Variants in PCBP3 observed in about 807,000 individuals in gnomAD.
PCBP3 encodes the protein poly(rC)-binding protein 3.
Under a neutral mutation model 52.7 loss-of-function variants are expected in PCBP3, and 25 were observed. That is an observed-to-expected ratio of 0.47 (90% CI 0.35 to 0.66). The LOEUF (loss-of-function observed/expected upper bound fraction) is 0.66, where lower values mean the gene tolerates loss of function less well. Ranked by LOEUF, PCBP3 falls within the 30% of genes least tolerant of loss-of-function variation. The probability of loss-of-function intolerance (pLI) is 0.01; values close to 1 mark genes in which losing one functional copy is unlikely to be tolerated. For synonymous variants in PCBP3, 162 were observed against 183.0 expected (o/e 0.89, Z 0.93); for missense variants, 391 against 490.3 (o/e 0.80, Z 1.91).
intron 7 of PCBP3, among the ~76,000 whole-genome samples, 187 bp downstream of exon 7, chr21:45,899,809 C>G (rs2095975954): frequency 6.6e-6 from 1 of 152,160 alleles, no homozygotes. Flanking sequence ...AAGCTGGTCC[C>G]TGGCTCTGCG....
In PCBP3 at chr21:45,782,386, A is replaced by T. The variant is rs79102184; in HGVS notation, c.-126+26934A>T. ...CAAATGGACATTTTAGAATTGAAAC[A>T]TATAGGATCTGAAATTAATAATTTA... On this transcript the variant is annotated intron_variant, in intron 4 of 17. Coordinates refer to ENST00000681687, the MANE Select transcript of PCBP3 (RefSeq NM_001384156.1). Among the ~76,000 whole-genome samples the T allele has an allele frequency of 3.4e-3, 523 of 152,314 alleles. 2 individuals carry two copies. Among genetic ancestry groups the T allele is most frequent in the African/African-American group, 0.011 (463 of 41,548 alleles).
intron 5 of PCBP3, among the ~76,000 whole-genome samples, chr21:45,866,110 A>T (rs1436369158): frequency 6.6e-6 from 1 of 152,204 alleles, no homozygotes; most frequent in Non-Finnish European, 1.5e-5. Flanking sequence ...GTGGCTCTCC[A>T]CGTGTGACCC....
chr21:45,922,853 A>C (rs1281511549), intron 13 of PCBP3, among the ~76,000 whole-genome samples: 2 of 152,238 alleles, frequency 1.3e-5, no homozygotes, highest in African/African-American at 4.8e-5. Context: ...GGCTTGGCAC[A>C]GCCGCCCAGG....
intron 2 of PCBP3, among the ~76,000 whole-genome samples, chr21:45,697,721 C>T (rs1042938128): frequency 4.0e-5 from 6 of 150,032 alleles, no homozygotes; most frequent in Admixed American, 4.0e-4. Context: ...CTCCACTGCA[C>T]TCCAGCCTGG....
intron 4 of PCBP3, chr21:45,761,423 A>G (rs1326655887): frequency 1.3e-5 from 2 of 151,880 alleles, no homozygotes; most frequent in Non-Finnish European, 2.9e-5. Flanking sequence ...AGCTGTGTCC[A>G]TTTTACTCCT....
At chr21:45,683,304 G>A (rs2081960909) in intron 2 of PCBP3, among the ~76,000 whole-genome samples, 1 of 152,112 alleles carries the variant, frequency 6.6e-6, no homozygotes, top group Non-Finnish European at 1.5e-5. Flanking sequence ...GAATAGGAAG[G>A]AATTGCAGAT....
chr21:45,894,082 T>A, intron 5 of PCBP3: 3 of 960,874 alleles, frequency 3.1e-6, no homozygotes, highest in Non-Finnish European at 3.7e-6. Flanking sequence ...CCGAGTGGTC[T>A]GCAGCTCTGG....
At chr21:45,804,137 C>T (rs1444644039) in intron 4 of PCBP3, among the ~76,000 whole-genome samples, 4 of 152,284 alleles carry the variant, frequency 2.6e-5, no homozygotes, top group South Asian at 2.1e-4. Flanking sequence ...CTCTGCTGCC[C>T]GCGTGGCTGT....
chr21:45,784,408 C>A, intron 4 of PCBP3, among the ~76,000 whole-genome samples: 1 of 130,524 alleles, frequency 7.7e-6, no homozygotes, highest in Non-Finnish European at 1.8e-5. Context: ...CTACCTCTAC[C>A]GCTACCGCTA....
Position 45,735,801 on chromosome 21 carries a change from G to C in PCBP3, c.-162+372G>C, listed in dbSNP as rs769438795. ...AGCCTACCGCACAAGCCTACCGCACGCCTTTGTTCTTGTGCCAACAGTGCC... is the reference window on the plus strand; with the variant it reads ...AGCCTACCGCACAAGCCTACCGCACCCCTTTGTTCTTGTGCCAACAGTGCC... On this transcript the variant is annotated intron_variant, in intron 3 of 17. Coordinates refer to ENST00000681687, the MANE Select transcript of PCBP3 (RefSeq NM_001384156.1). This position sits in a 1 kb window ranked among gnomAD's most constrained non-coding sequence, Gnocchi z 4.0. Among the ~76,000 whole-genome samples the C allele has an allele frequency of 2.0e-5, 3 of 152,186 alleles. No homozygotes were observed. The highest frequency in any genetic ancestry group is 2.0e-4 in the Admixed American group (3 of 15,286).
intron 2 of PCBP3, among the ~76,000 whole-genome samples, chr21:45,670,351 G>A (rs1034115771): frequency 4.6e-5 from 7 of 152,148 alleles, no homozygotes; most frequent in African/African-American, 1.7e-4. Context: ...AATAGACTAT[G>A]TTGGGTAATT....
At chr21:45,692,600 A>G (rs2082549733) in intron 2 of PCBP3, among the ~76,000 whole-genome samples, 1 of 152,208 alleles carries the variant, frequency 6.6e-6, no homozygotes, top group Non-Finnish European at 1.5e-5. Context: ...TCATTCAAAA[A>G]GAAATAAATA....
At chr21:45,794,121 T>C (rs556401972) in intron 4 of PCBP3, among the ~76,000 whole-genome samples, 1 of 152,334 alleles carries the variant, frequency 6.6e-6, no homozygotes, top group South Asian at 2.1e-4. Context: ...GAAAGCTTAC[T>C]AAACTTCAGG....
chr21:45,785,346 T>A (rs1356331456), intron 4 of PCBP3, among the ~76,000 whole-genome samples: 1 of 115,902 alleles, frequency 8.6e-6, no homozygotes, highest in Non-Finnish European at 1.8e-5. Flanking sequence ...GGTGGGGGGG[T>A]CAGCCCCCCG....
intron 8 of PCBP3, 74 bp from the exon 9 acceptor site, chr21:45,900,923 C>A (rs574371148): frequency 2.0e-6 from 2 of 995,234 alleles, no homozygotes; most frequent in Admixed American, 1.7e-5. Flanking sequence ...CAATTGTCAA[C>A]GGACTTGCGG....
intron 4 of PCBP3, among the ~76,000 whole-genome samples, chr21:45,774,919 AT>A (rs1295994157): frequency 6.6e-6 from 1 of 152,138 alleles, no homozygotes; most frequent in Admixed American, 6.6e-5. Context: ...GTTTGCTAAC[AT>A]TTTGTTGAGC....
At chr21:45,937,174 A>G (rs1232875317) in intron 16 of PCBP3, among the ~76,000 whole-genome samples, 1 of 152,206 alleles carries the variant, frequency 6.6e-6, no homozygotes. Context: ...TCTTGGTCAC[A>G]GTTGGATCAT....
At chr21:45,672,199 G>T (rs2081214410) in intron 2 of PCBP3, among the ~76,000 whole-genome samples, 1 of 152,050 alleles carries the variant, frequency 6.6e-6, no homozygotes, top group South Asian at 2.1e-4. Flanking sequence ...GTGATGCCCT[G>T]CACCACCTCA....
At chr21:45,692,641 T>C (rs1156844069) in intron 2 of PCBP3, among the ~76,000 whole-genome samples, 1 of 152,170 alleles carries the variant, frequency 6.6e-6, no homozygotes, top group African/African-American at 2.4e-5. Context: ...ACTATATAAA[T>C]TCAATTTCTA....
Sources: gnomAD v4.1 joint callset for allele counts (sites outside exome capture counted in the v4.1 genomes callset) on GRCh38, gnomAD v4.1.1 for gene constraint, Gnocchi (gnomAD v3.1) non-coding constraint, MANE v1.5 for transcripts, NCBI Gene and HGNC (gene_info 2026-07-23, HGNC 2026-07-21) for gene names.